The following ARHGEF10 variants were observed in gnomAD, a reference collection of about 807,000 sequenced individuals.
The protein encoded by ARHGEF10 is Rho guanine nucleotide exchange factor 10.
In ARHGEF10, 140 loss-of-function variants were observed where a neutral mutation model predicts 147.4. That is an observed-to-expected ratio of 0.95 (90% CI 0.83 to 1.09). The LOEUF is 1.09. ARHGEF10 is among the 50% of genes least tolerant of loss of function. The pLI is 0.00. For missense variants in ARHGEF10, 2,222 were observed against 1,752.7 expected (o/e 1.27, Z -4.78); for synonymous variants, 902 against 695.8 (o/e 1.30, Z -4.67).
upstream of ARHGEF10, among the ~76,000 whole-genome samples, chr8:1,823,644 C>G (rs1454459729): frequency 2.0e-5 from 3 of 151,836 alleles, no homozygotes; most frequent in Non-Finnish European, 4.4e-5. Context: ...CTCGGTCTGC[C>G]CAGCGACCCC....
At chr8:1,955,208 CCAGG>C (rs1563339293) in intron 28 of ARHGEF10, among the ~76,000 whole-genome samples, 10 of 146,086 alleles carry the variant, frequency 6.8e-5, no homozygotes, top group Non-Finnish European at 1.1e-4. Flanking sequence ...GGATGGGTAG[CCAGG>C]TGCTTCCTGA....
At chr8:1,862,066 C>T (rs1040391578) in intron 4 of ARHGEF10, among the ~76,000 whole-genome samples, 2 of 152,278 alleles carry the variant, frequency 1.3e-5, no homozygotes, top group South Asian at 2.1e-4. Flanking sequence ...GGTGGTTCTC[C>T]GGTTGCGTTT....
chr8:1,933,781 T>C lies in ARHGEF10; in HGVS notation c.3080-19T>C, dbSNP rs1813343030. The C allele has an allele frequency of 8.7e-6, 14 of 1,613,952 alleles. No individual in the cohort carries two copies. The highest frequency in any genetic ancestry group is 1.2e-5 in the Non-Finnish European group (14 of 1,179,970). On this transcript the variant is annotated intron_variant, in intron 25 of 28. Coordinates refer to ENST00000349830, the MANE Select transcript of ARHGEF10 (RefSeq NM_014629.4). ...CACAGAAAACTGAACTTGAATGAAA[T>C]GAAATATTTTCTTTTAAGATGGATC...
chr8:1,864,159 C>T (rs1806381944), intron 4 of ARHGEF10, among the ~76,000 whole-genome samples: 1 of 152,174 alleles, frequency 6.6e-6, no homozygotes, highest in African/African-American at 2.4e-5. Flanking sequence ...CTGGCTGTTT[C>T]ACAAGCCCTC....
At chr8:1,897,540 T>A (rs1810095401) in intron 14 of ARHGEF10, among the ~76,000 whole-genome samples, 1 of 150,306 alleles carries the variant, frequency 6.7e-6, no homozygotes, top group Non-Finnish European at 1.5e-5. Flanking sequence ...CGGATCGCAG[T>A]TCCCCCTCTG....
chr8:1,836,898 T>G lies in ARHGEF10; in HGVS notation c.-47-6455T>G, dbSNP rs148378788. On this transcript the variant is annotated intron_variant, in intron 1 of 28. Coordinates refer to ENST00000349830, the MANE Select transcript of ARHGEF10 (RefSeq NM_014629.4). ...ATGGGTTTATCAGGGGTTTCCACTT[T>G]TGCTTCTTCCTCATTTTCTCTTGCC... is the stretch of plus-strand genomic sequence containing the variant. Among the ~76,000 whole-genome samples the G allele has an allele frequency of 6.7e-3, 1,026 of 152,298 alleles. 13 individuals carry two copies. The highest frequency in any genetic ancestry group is 0.023 in the African/African-American group (959 of 41,572).
Position 1,893,690 on chromosome 8 carries a change from C to A in ARHGEF10, c.1260+44C>A, listed in dbSNP as rs539832727. The stretch of plus-strand genomic sequence containing the variant: ...ACATAATACATACATTTCTATTATT[C>A]TTTTTTACCTATATACATTTTGATC... On this transcript the variant is annotated intron_variant, in intron 12 of 28. Coordinates refer to ENST00000349830, the MANE Select transcript of ARHGEF10 (RefSeq NM_014629.4). 12 of 1,361,718 alleles carry A rather than the reference C, an allele frequency of 8.8e-6. No homozygotes were observed. In the Admixed American group the frequency reaches 1.3e-4, roughly 15 times the overall value. The allele number at this position is 1,361,718 out of a possible 1,614,324, so 84.4% of individuals were successfully genotyped here.
At chr8:1,824,486 G>A (rs1474275733) in intron 1 of ARHGEF10, among the ~76,000 whole-genome samples, 3 of 151,886 alleles carry the variant, frequency 2.0e-5, no homozygotes, top group African/African-American at 7.3e-5. Context: ...AGAAGAATGC[G>A]GTCCGCCTCA....
Position 1,948,761 on chromosome 8 carries a change from A to T in ARHGEF10, c.3397+3106A>T, listed in dbSNP as rs1563329297. Among the ~76,000 whole-genome samples the T allele has an allele frequency of 6.6e-6, 1 of 152,204 alleles. No individual in the cohort carries two copies. On this transcript the variant is annotated intron_variant, in intron 27 of 28. Transcript: ENST00000349830. This position sits in a 1 kb window ranked among gnomAD's most constrained non-coding sequence, Gnocchi z 4.9. ...GTCTAGTCGTCTTTGCCTTTCAGCT[A>T]ATATTTCATATATTTCATAGAAATA...
Position 1,926,398 on chromosome 8 carries a change from C to G in ARHGEF10, c.2632C>G (p.Pro878Ala). 3 of 1,614,048 alleles carry G rather than the reference C, an allele frequency of 1.9e-6. No individual in the cohort carries two copies. Among genetic ancestry groups the G allele is most frequent in the Non-Finnish European group, 2.5e-6 (3 of 1,179,946 alleles). The change falls in exon 23 of 29, where the codon CCT (proline) becomes GCT (alanine). Residue 878 changes from proline (P) to alanine (A), a missense_variant. Pro to Ala is a conservative substitution (Grantham distance 27, BLOSUM62 -1). Coordinates refer to ENST00000349830, the MANE Select transcript of ARHGEF10 (RefSeq NM_014629.4). ...TTAGATTGAATGTGCTGCTTATAAC[C>G]CTGAACCTTACCTAAATAATGAAAG... is the stretch of plus-strand genomic sequence containing the variant. Reference protein sequence around the residue: ...EFKIECAAYNPEPYLNNESQP... With the variant: ...EFKIECAAYNAEPYLNNESQP...
Position 1,924,011 on chromosome 8 carries a change from G to A in ARHGEF10, c.2488+137G>A, listed in dbSNP as rs557131494. The A allele has an allele frequency of 1.5e-3, 1,274 of 877,558 alleles. 4 individuals are homozygous for A. Among genetic ancestry groups the A allele is most frequent in the Non-Finnish European group, 2.1e-3 (1,117 of 540,052 alleles). The allele number at this position is 877,558 out of a possible 1,614,324, so 54.4% of individuals were successfully genotyped here. On this transcript the variant is annotated intron_variant, in intron 21 of 28. Transcript: ENST00000349830. ...GACCTGAAAGAGTGTTTCTAAACAG[G>A]AAAATTCACCCTGGCACCGGCGATT...
chr8:1,873,964 C>T (rs1354009386), intron 7 of ARHGEF10, among the ~76,000 whole-genome samples: 1 of 152,156 alleles, frequency 6.6e-6, no homozygotes, highest in Non-Finnish European at 1.5e-5. Flanking sequence ...CAGCCAATGC[C>T]TCCATAGGCC....
intron 26 of ARHGEF10, among the ~76,000 whole-genome samples, chr8:1,940,175 A>G (rs2129257932): frequency 6.6e-6 from 1 of 152,294 alleles, no homozygotes; most frequent in South Asian, 2.1e-4. Context: ...GCTCCTCTAT[A>G]GTCACACCAG....
At chr8:1,942,892 G>C (rs1814223956) in intron 26 of ARHGEF10, among the ~76,000 whole-genome samples, 1 of 152,342 alleles carries the variant, frequency 6.6e-6, no homozygotes, top group Non-Finnish European at 1.5e-5. Context: ...CAAATCCAGA[G>C]ACAGAACGTG....
chr8:1,870,721 C>G (rs181343875), intron 7 of ARHGEF10: 1 of 152,206 alleles, frequency 6.6e-6, no homozygotes, highest in East Asian at 1.9e-4. Flanking sequence ...GATATATAAG[C>G]AAAATATAAC....
rs528630375 is a variant in ARHGEF10 at position 1,862,927 on chromosome 8, C to T, written c.482-1446C>T. Among the ~76,000 whole-genome samples the T allele has an allele frequency of 3.0e-3, 449 of 151,732 alleles. 2 individuals are homozygous for T. The highest frequency in any genetic ancestry group is 0.01 in the African/African-American group (423 of 41,408). On this transcript the variant is annotated intron_variant, in intron 4 of 28. Transcript: ENST00000349830. ...CCAAGTAGCTGGGACTACAGGCGCC[C>T]GCCACCACGCCCGGCTAATTTTTTG...
At chr8:1,892,329 T>TGTGTG (rs1563244763) in intron 11 of ARHGEF10, among the ~76,000 whole-genome samples, 10 of 94,270 alleles carry the variant, frequency 1.1e-4, no homozygotes, top group African/African-American at 1.7e-4. Context: ...GTGTGTGTGT[T>TGTGTG]TAATCCCAGC....
chr8:1,859,792 G>A, intron 3 of ARHGEF10, 105 bp from the exon 4 acceptor site: 2 of 1,398,874 alleles, frequency 1.4e-6, no homozygotes, highest in Non-Finnish European at 2.0e-6. Context: ...CCTGGCATGG[G>A]ATGATGGTGG....
At chr8:1,941,076 C>T (rs1481746838) in intron 26 of ARHGEF10, among the ~76,000 whole-genome samples, 2 of 152,154 alleles carry the variant, frequency 1.3e-5, no homozygotes, top group African/African-American at 4.8e-5. Flanking sequence ...ACAAAGATGC[C>T]TTCTGCCATT....
Sources: allele counts gnomAD v4.1 joint callset (sites outside exome capture counted in the v4.1 genomes callset), GRCh38; gene constraint gnomAD v4.1.1; non-coding constraint Gnocchi (gnomAD v3.1); transcripts MANE v1.5; gene names NCBI Gene and HGNC (gene_info 2026-07-23, HGNC 2026-07-21).